ZNF329: variants seen among roughly 807,000 people sequenced by gnomAD.
ZNF329 encodes zinc finger protein 329.
Under a neutral mutation model 26.6 loss-of-function variants are expected in ZNF329, and 15 were observed. The observed-to-expected ratio is 0.56, with a 90% CI of 0.38 to 0.87. The LOEUF is 0.87. Among genes scored for constraint, ZNF329 ranks in the 40% least tolerant of loss-of-function variants. ZNF329 has a pLI of 0.00. For synonymous variants in ZNF329, 239 were observed against 233.5 expected, an observed-to-expected ratio of 1.02 and a Z score of -0.21; for missense variants, 651 against 651.9, an observed-to-expected ratio of 1.00 and a Z score of 0.02.
chr19:58,130,829 G>C (rs1031947420), intron 3 of ZNF329, among the ~76,000 whole-genome samples: 6 of 152,110 alleles, frequency 3.9e-5, no homozygotes, highest in Non-Finnish European at 8.8e-5. Flanking sequence ...TAAGACAACT[G>C]GTTGTCCATT....
chr19:58,143,898 T>A (rs990943097), intron 1 of ZNF329, among the ~76,000 whole-genome samples: 4 of 151,790 alleles, frequency 2.6e-5, no homozygotes, highest in African/African-American at 9.7e-5. Flanking sequence ...CTGGCCAACA[T>A]AGTGAAACCC....
At chr19:58,137,310 T>C (rs573046528) in intron 3 of ZNF329, among the ~76,000 whole-genome samples, 3 of 152,138 alleles carry the variant, frequency 2.0e-5, no homozygotes, top group Non-Finnish European at 4.4e-5. Context: ...TCCCAGCACT[T>C]TGGGAGGCCG....
intron 1 of ZNF329, among the ~76,000 whole-genome samples, chr19:58,149,379 T>A (rs1042218865): frequency 1.3e-5 from 2 of 152,190 alleles, no homozygotes; most frequent in Non-Finnish European, 2.9e-5. Flanking sequence ...TGAATTTTCT[T>A]TCCCAAGATA....
chr19:58,144,396 A>ATTTTTTTT (rs367570171), intron 1 of ZNF329, among the ~76,000 whole-genome samples: 44 of 127,714 alleles, frequency 3.4e-4, no homozygotes, highest in African/African-American at 1.3e-3. Flanking sequence ...ATATATATAT[A>ATTTTTTTT]TTTTTTTTTT....
Position 58,138,415 on chromosome 19 carries a change from G to C in ZNF329, c.-9+4142C>G, listed in dbSNP as rs142881203. On this transcript the variant is annotated intron_variant, in intron 3 of 3. Coordinates refer to ENST00000598312, the MANE Select transcript of ZNF329 (RefSeq NM_024620.4). ...AAACATCAGAATCATTTACTTTCAA[G>C]TCCAGGCCAAGGCCTTAGACACTTG... is the stretch of plus-strand genomic sequence containing the variant. 9.2e-5 allele frequency among the ~76,000 whole-genome samples: 14 copies of C among 152,328 alleles called. No homozygotes were observed. In the East Asian group the frequency reaches 2.7e-3, roughly 29 times the overall value.
At chr19:58,142,222 G>A (rs2075205228) in intron 3 of ZNF329, among the ~76,000 whole-genome samples, 1 of 152,158 alleles carries the variant, frequency 6.6e-6, no homozygotes, top group South Asian at 2.1e-4. Context: ...ACCTAGGGCT[G>A]GGAAAGATGG....
At chr19:58,138,958 T>A (rs902261690) in intron 3 of ZNF329, among the ~76,000 whole-genome samples, 14 of 150,522 alleles carry the variant, frequency 9.3e-5, no homozygotes, top group African/African-American at 3.4e-4. Flanking sequence ...TGTCTCAAAA[T>A]TTAAAAAAAA....
intron 3 of ZNF329, among the ~76,000 whole-genome samples, chr19:58,139,629 C>A (rs376531491): frequency 2.6e-5 from 4 of 152,260 alleles, no homozygotes; most frequent in African/African-American, 9.6e-5. Context: ...CTAATTACCT[C>A]CCACAGGCCT....
rs758157777 is a variant in ZNF329 at position 58,129,206 on chromosome 19, C to G, written c.298G>C (p.Gly100Arg). ...GFHAPDSNVS[G>R]LDCDPALPSY... ...GGTAAGGCGGGGTCACAATCCAGAC[C>G]ACTAACATTTGAGTCAGGTGCATGG... is the stretch of plus-strand genomic sequence containing the variant. Residue 100 changes from glycine (G) to arginine (R), a missense_variant, in exon 4 of 4, where the codon GGT becomes CGT. By Grantham distance (125) the Gly-to-Arg change is moderately radical. Coordinates refer to ENST00000598312, the MANE Select transcript of ZNF329 (RefSeq NM_024620.4). 67 of 1,614,048 alleles carry G rather than the reference C, an allele frequency of 4.2e-5. 2 individuals are homozygous for G. The South Asian group carries it at 7.0e-4, about 17-fold the overall frequency.
intron 1 of ZNF329, among the ~76,000 whole-genome samples, chr19:58,147,797 G>A (rs978798099): frequency 2.0e-5 from 3 of 147,742 alleles, no homozygotes; most frequent in African/African-American, 5.2e-5. Flanking sequence ...CACCCGGCCA[G>A]CCGCCCCGTC....
At chr19:58,150,426 T>G (rs2075424194) in intron 1 of ZNF329, among the ~76,000 whole-genome samples, 1 of 152,056 alleles carries the variant, frequency 6.6e-6, no homozygotes, top group Non-Finnish European at 1.5e-5. Flanking sequence ...CAAAACAGTC[T>G]CTATGGGAGG....
chr19:58,146,525 C>G (rs546023637), intron 1 of ZNF329, among the ~76,000 whole-genome samples: 4 of 69,374 alleles, frequency 5.8e-5, no homozygotes, highest in Admixed American at 4.5e-4. Flanking sequence ...TAGTCCCTCT[C>G]CCTCTCCCCC....
intron 1 of ZNF329, among the ~76,000 whole-genome samples, chr19:58,150,300 GGCC>G (rs989508256): frequency 6.6e-6 from 1 of 152,194 alleles, no homozygotes; most frequent in Non-Finnish European, 1.5e-5. Flanking sequence ...ACTGGCTCAC[GGCC>G]GCCAATTCAG....
chr19:58,148,184 T>C (rs1189118902), intron 1 of ZNF329, among the ~76,000 whole-genome samples: 1 of 151,804 alleles, frequency 6.6e-6, no homozygotes, highest in African/African-American at 2.4e-5. Context: ...AAACAGATGC[T>C]TGAAGGCAGC....
At chr19:58,129,938 C>G (rs1169460197) in intron 3 of ZNF329, among the ~76,000 whole-genome samples, 1 of 152,178 alleles carries the variant, frequency 6.6e-6, no homozygotes, top group Non-Finnish European at 1.5e-5. Context: ...CAGTTCTCAC[C>G]CCAGCTCTGT....
At chr19:58,147,881 C>A (rs140171882) in intron 1 of ZNF329, among the ~76,000 whole-genome samples, 1 of 151,384 alleles carries the variant, frequency 6.6e-6, no homozygotes, top group Non-Finnish European at 1.5e-5. Context: ...GCCACCACCC[C>A]GTCTGGGAGG....
Position 58,128,028 on chromosome 19 carries a change from G to A in ZNF329, c.1476C>T (p.Phe492=). ...PYQCPECGKS[F]KQNSHLAVHQ... is the part of the protein sequence containing the mutation. ...GTACTGCCAGGTGAGAGTTCTGCTT[G>A]AAGGACTTCCCACATTCTGGACACT... The change falls in exon 4 of 4, where the codon TTC becomes TTT. Residue 492 remains phenylalanine, a synonymous_variant. Transcript: ENST00000598312. 6.2e-7 allele frequency: 1 copy of A among 1,614,008 alleles called. No individual in the cohort carries two copies. The highest frequency in any genetic ancestry group is 1.3e-5 in the African/African-American group (1 of 75,006).
chr19:58,137,161 A>G (rs34380569), intron 3 of ZNF329: 29,312 of 152,228 alleles, frequency 0.19, 3,138 homozygotes, highest in Middle Eastern at 0.32. Flanking sequence ...ACTAAAAGAA[A>G]AGAAGACCGA....
intron 3 of ZNF329, among the ~76,000 whole-genome samples, chr19:58,134,856 A>C (rs1281163504): frequency 6.6e-6 from 1 of 152,166 alleles, no homozygotes; most frequent in African/African-American, 2.4e-5. Context: ...GAATTGCTTG[A>C]ATCTGGGAGA....
Sources: allele counts gnomAD v4.1 joint callset (sites outside exome capture counted in the v4.1 genomes callset), GRCh38; gene constraint gnomAD v4.1.1; transcripts MANE v1.5; gene names NCBI Gene and HGNC (gene_info 2026-07-23, HGNC 2026-07-21).